PDS5A: variants seen among roughly 807,000 people sequenced by gnomAD.
The protein encoded by PDS5A is sister chromatid cohesion protein PDS5 homolog A.
PDS5A carries 42 observed loss-of-function variants against 167.1 expected under a neutral mutation model. The ratio of observed to expected loss-of-function variants is 0.25; its 90% CI spans 0.20 to 0.33. PDS5A has a LOEUF of 0.33. Ranked by LOEUF, PDS5A falls within the 10% of genes least tolerant of loss-of-function variation. The pLI is 1.00. For synonymous variants in PDS5A, 553 were observed against 554.6 expected, an observed-to-expected ratio of 1.00 and a Z score of 0.04; for missense variants, 1,033 against 1,605.9, an observed-to-expected ratio of 0.64 and a Z score of 6.10.
intron 14 of PDS5A, among the ~76,000 whole-genome samples, chr4:39,899,919 G>A (rs1722733947): frequency 4.0e-5 from 6 of 151,178 alleles, no homozygotes; most frequent in Admixed American, 4.0e-4. Flanking sequence ...TGTCCTTGAG[G>A]GGTCTGTTTA....
chr4:39,838,909 C>G (rs558270265), intron 31 of PDS5A, among the ~76,000 whole-genome samples: 3 of 151,926 alleles, frequency 2.0e-5, no homozygotes, highest in African/African-American at 7.3e-5. Context: ...ATCCCAGCTA[C>G]TCAGGAGGCT....
intron 2 of PDS5A, among the ~76,000 whole-genome samples, chr4:39,950,853 G>A (rs1199091050): frequency 6.6e-6 from 1 of 152,156 alleles, no homozygotes; most frequent in Non-Finnish European, 1.5e-5. Context: ...CTCTCAAAGT[G>A]CTGGTATTAC....
At chr4:39,943,156 ACACAC>A (rs1727389450) in intron 2 of PDS5A, among the ~76,000 whole-genome samples, 1 of 149,420 alleles carries the variant, frequency 6.7e-6, no homozygotes, top group Non-Finnish European at 1.5e-5. Flanking sequence ...ACACACACAC[ACACAC>A]ACACACACGC....
intron 2 of PDS5A, among the ~76,000 whole-genome samples, chr4:39,949,211 A>G (rs897278341): frequency 6.8e-6 from 1 of 146,164 alleles, no homozygotes; most frequent in African/African-American, 2.5e-5. Context: ...CTGAGGCAGG[A>G]GGATTGCTTG....
intron 32 of PDS5A, 22 bp from the exon 33 acceptor site, chr4:39,825,510 C>T: frequency 6.4e-7 from 1 of 1,551,260 alleles, no homozygotes; most frequent in Non-Finnish European, 8.8e-7. Context: ...GAATAGAACG[C>T]AAAGTTAGAA....
At chr4:39,886,719 A>G (rs1172539534) in intron 17 of PDS5A, among the ~76,000 whole-genome samples, 1 of 152,052 alleles carries the variant, frequency 6.6e-6, no homozygotes, top group Non-Finnish European at 1.5e-5. Context: ...ATCTCAAAAA[A>G]AAAAAAATTT....
chr4:39,845,496 C>T (rs1226694475), intron 29 of PDS5A, among the ~76,000 whole-genome samples: 3 of 152,074 alleles, frequency 2.0e-5, no homozygotes, highest in African/African-American at 7.2e-5. Flanking sequence ...CATGAATTGT[C>T]TAATTCATTA....
intron 2 of PDS5A, among the ~76,000 whole-genome samples, chr4:39,961,045 A>C (rs1729431995): frequency 8.0e-6 from 1 of 125,614 alleles, no homozygotes; most frequent in Non-Finnish European, 1.8e-5. Flanking sequence ...CCTGGCCTCA[A>C]GCAATCCTCC....
In PDS5A at chr4:39,845,932, T is replaced by A; in HGVS notation, c.3340-52A>T. 4 of 1,246,266 alleles carry A rather than the reference T, an allele frequency of 3.2e-6. No homozygotes were observed. The South Asian group carries it at 8.9e-5, about 28-fold the overall frequency. 77.2% of individuals were successfully genotyped at this position (1,246,266 alleles called of 1,614,324 possible). A position where few individuals can be genotyped will look rare whatever the true frequency, so the allele number is the denominator to read the frequency against. ...AAAAGAAACACCAATCAAAGGAACA[T>A]GAGTATTTTAATTATCTCAATAAGG... On this transcript the variant is annotated intron_variant, in intron 28 of 32. Transcript: ENST00000303538.
chr4:39,972,243 T>G (rs1730615693), intron 2 of PDS5A, among the ~76,000 whole-genome samples: 2 of 152,054 alleles, frequency 1.3e-5, no homozygotes, highest in Admixed American at 1.3e-4. Flanking sequence ...CACGGTTGGC[T>G]GGGCGCGGTG....
chr4:39,953,934 T>C (rs1264726340), intron 2 of PDS5A, among the ~76,000 whole-genome samples: 3 of 152,162 alleles, frequency 2.0e-5, no homozygotes, highest in African/African-American at 7.2e-5. Flanking sequence ...GAAACTTCAG[T>C]GTCCTAATGA....
chr4:39,908,365 T>A (rs1723580137), intron 11 of PDS5A, 30 bp downstream of exon 11: 1 of 1,570,808 alleles, frequency 6.4e-7, no homozygotes, highest in African/African-American at 1.3e-5. Flanking sequence ...AACAGTAAAT[T>A]ACAGAAGAAT....
intron 17 of PDS5A, among the ~76,000 whole-genome samples, chr4:39,886,922 G>A (rs767090747): frequency 1.3e-5 from 2 of 151,424 alleles, no homozygotes; most frequent in Non-Finnish European, 2.9e-5. Context: ...TTTTCGGATT[G>A]TTTGCTGTCG....
chr4:39,855,936 A>G (rs1277184419), intron 26 of PDS5A, among the ~76,000 whole-genome samples: 8 of 152,234 alleles, frequency 5.3e-5, no homozygotes, highest in Admixed American at 5.2e-4. Context: ...AATGGTCAAA[A>G]ACTTGCAAAT....
chr4:39,842,542 C>T (rs1170738036), intron 30 of PDS5A, among the ~76,000 whole-genome samples: 1 of 152,048 alleles, frequency 6.6e-6, no homozygotes. Flanking sequence ...TTCATTTTTG[C>T]TAAAAGTGGT....
chr4:39,884,241 T>A (rs1264995469), intron 17 of PDS5A, among the ~76,000 whole-genome samples: 1 of 152,102 alleles, frequency 6.6e-6, no homozygotes, highest in African/African-American at 2.4e-5. Context: ...TTGCTTTTTA[T>A]CCAAGATTGG....
At chr4:39,828,775 T>C (rs139520283) in intron 32 of PDS5A, among the ~76,000 whole-genome samples, 250 of 152,306 alleles carry the variant, frequency 1.6e-3, no homozygotes, top group Middle Eastern at 6.8e-3. Flanking sequence ...AGAGCACCTA[T>C]AGATGACTGG....
At chr4:39,923,428 A>T (rs1208874729) in intron 5 of PDS5A, among the ~76,000 whole-genome samples, 1 of 151,912 alleles carries the variant, frequency 6.6e-6, no homozygotes, top group Non-Finnish European at 1.5e-5. Context: ...AGTAAATTAA[A>T]TTCTGCCTTA....
chr4:39,920,296 T>A, intron 7 of PDS5A, 23 bp downstream of exon 7: 1 of 1,020,788 alleles, frequency 9.8e-7, no homozygotes, highest in Non-Finnish European at 1.5e-6. Flanking sequence ...AAATATAGAA[T>A]AAACATAGAA....
Sources: gnomAD v4.1 joint callset for allele counts (sites outside exome capture counted in the v4.1 genomes callset) on GRCh38, gnomAD v4.1.1 for gene constraint, MANE v1.5 for transcripts, NCBI Gene and HGNC (gene_info 2026-07-23, HGNC 2026-07-21) for gene names.